NAV2: variants seen among roughly 807,000 people sequenced by gnomAD.
NAV2 encodes the protein neuron navigator 2.
NAV2 carries 54 observed loss-of-function variants against 223.2 expected under a neutral mutation model. The ratio of observed to expected loss-of-function variants is 0.24; its 90% CI spans 0.19 to 0.30. The LOEUF is 0.30. Among genes scored for constraint, NAV2 ranks in the 10% least tolerant of loss-of-function variants. NAV2 has a pLI of 1.00. For missense variants in NAV2, 2,806 were observed against 3,147.5 expected, an observed-to-expected ratio of 0.89 and a Z score of 2.60; for synonymous variants, 1,279 against 1,239.3, an observed-to-expected ratio of 1.03 and a Z score of -0.67.
At chr11:19,820,612 C>T (rs147250440) in intron 1 of NAV2, among the ~76,000 whole-genome samples, 341 of 152,312 alleles carry the variant, frequency 2.2e-3, no homozygotes, top group Non-Finnish European at 3.7e-3. Flanking sequence ...AGGTGGTAGC[C>T]GTGAGGCTGG....
At chr11:19,741,497 CTTT>C (rs71050682) in intron 1 of NAV2, among the ~76,000 whole-genome samples, 1 of 114,940 alleles carries the variant, frequency 8.7e-6, no homozygotes, top group Non-Finnish European at 1.7e-5. Context: ...TTCTTTCTTT[CTTT>C]TTTTTTTTTT....
rs950931558 is a variant in NAV2 at position 19,750,170 on chromosome 11, T to C, written c.267+36208T>C. On this transcript the variant is annotated intron_variant, in intron 1 of 37. Coordinates refer to ENST00000349880, the MANE Select transcript of NAV2 (RefSeq NM_145117.5). ...TTAGAGGACATTGATCATTTTCACC[T>C]TCATTTTCCATTTTTGCTTCTGGTA... is the stretch of plus-strand genomic sequence containing the variant. Among the ~76,000 whole-genome samples the C allele has an allele frequency of 2.4e-4, 37 of 152,228 alleles. 1 individual carries two copies. Among genetic ancestry groups the C allele is most frequent in the Admixed American group, 2.4e-3 (37 of 15,288 alleles).
At chr11:20,053,218 G>GAAAA (rs60421659) in intron 17 of NAV2, among the ~76,000 whole-genome samples, 14 of 40,954 alleles carry the variant, frequency 3.4e-4, no homozygotes, top group South Asian at 2.0e-3. Flanking sequence ...ACTACGTCTC[G>GAAAA]AAAAAAAAAA....
chr11:19,380,833 G>C (rs1056110355), intron 1 of NAV2, among the ~76,000 whole-genome samples: 1 of 152,182 alleles, frequency 6.6e-6, no homozygotes, highest in Non-Finnish European at 1.5e-5. Context: ...GTCCTGCTTT[G>C]CCTGGGATTT....
chr11:19,856,369 A>C lies in NAV2; in HGVS notation c.439-12556A>C, dbSNP rs578213102. Reference sequence around the variant, plus strand: ...AATTATTTTTAATTTCATAATTCCTAATTGGTTGGCATGTAGCTCTTTGCC... The same window carrying C: ...AATTATTTTTAATTTCATAATTCCTCATTGGTTGGCATGTAGCTCTTTGCC... On this transcript the variant is annotated intron_variant, in intron 3 of 37. Transcript: ENST00000349880. Among the ~76,000 whole-genome samples the C allele has an allele frequency of 2.0e-5, 3 of 152,252 alleles. No individual in the cohort carries two copies. In the East Asian group the frequency reaches 5.8e-4, roughly 29 times the overall value.
At chr11:19,609,379 C>T (rs2046569306) in intron 1 of NAV2, among the ~76,000 whole-genome samples, 1 of 151,834 alleles carries the variant, frequency 6.6e-6, no homozygotes, top group African/African-American at 2.4e-5. Flanking sequence ...AAAGAGAATA[C>T]AAAATATATC....
At chr11:19,571,925 A>G (rs10400215) in intron 1 of NAV2, among the ~76,000 whole-genome samples, 2,786 of 152,220 alleles carry the variant, frequency 0.018, 94 homozygotes, top group African/African-American at 0.062. Context: ...AGATGGGAGG[A>G]TGAAGAAGGA....
At position 19,832,514 on chromosome 11, in the gene NAV2, G is replaced by A. The variant is rs1232428815; in HGVS notation, c.298G>A (p.Ala100Thr). The part of the protein sequence containing the change: ...IYTDWANHYL[A>T]KSGHKRLIRD... Reference sequence around the variant, plus strand: ...CACAGACTGGGCCAATCATTACCTAGCCAAATCCGGCCACAAGCGTCTCAT... The same window carrying A: ...CACAGACTGGGCCAATCATTACCTAACCAAATCCGGCCACAAGCGTCTCAT... Residue 100 changes from alanine (A) to threonine (T), a missense_variant, in exon 2 of 38, where the codon GCC becomes ACC. By Grantham distance (58) the Ala-to-Thr change is moderately conservative. Transcript: ENST00000349880. The A allele has an allele frequency of 1.2e-6, 2 of 1,614,106 alleles. No homozygotes were observed. Among genetic ancestry groups the A allele is most frequent in the Admixed American group, 3.3e-5 (2 of 60,024 alleles).
chr11:19,856,070 AC>A (rs1450751698), intron 3 of NAV2, among the ~76,000 whole-genome samples: 1 of 152,230 alleles, frequency 6.6e-6, no homozygotes, highest in African/African-American at 2.4e-5. Context: ...TTTTTTACCT[AC>A]AAAAATGGCA....
At chr11:19,600,099 T>C (rs1446903108) in intron 1 of NAV2, among the ~76,000 whole-genome samples, 1 of 152,176 alleles carries the variant, frequency 6.6e-6, no homozygotes, top group Non-Finnish European at 1.5e-5. Flanking sequence ...GGTGGGTTAC[T>C]ATAATGGGCA....
At chr11:19,412,000 A>G (rs1850166053) in intron 1 of NAV2, among the ~76,000 whole-genome samples, 1 of 152,200 alleles carries the variant, frequency 6.6e-6, no homozygotes, top group African/African-American at 2.4e-5. Context: ...TTGGAAAGAA[A>G]ACCAGGGGTC....
intron 37 of NAV2, among the ~76,000 whole-genome samples, chr11:20,115,631 C>CAAAA (rs386373266): frequency 0.014 from 678 of 47,494 alleles, 47 homozygotes; most frequent in Middle Eastern, 0.062. Flanking sequence ...GACTCCGTCT[C>CAAAA]AAAAAAAAAA....
chr11:19,446,442 G>T (rs2133748705), intron 1 of NAV2, among the ~76,000 whole-genome samples: 1 of 152,236 alleles, frequency 6.6e-6, no homozygotes, highest in South Asian at 2.1e-4. Context: ...AGAGAACAAG[G>T]CCAGAGGTTG....
chr11:19,967,584 G>T (rs1215118757), intron 10 of NAV2, among the ~76,000 whole-genome samples: 1 of 152,094 alleles, frequency 6.6e-6, no homozygotes, highest in Non-Finnish European at 1.5e-5. Context: ...AGACACCAAG[G>T]TGACCATTAA....
At chr11:20,081,813 C>T (rs921725158) in intron 25 of NAV2, among the ~76,000 whole-genome samples, 7 of 152,094 alleles carry the variant, frequency 4.6e-5, no homozygotes, top group African/African-American at 1.4e-4. Context: ...GGAAAAAAGA[C>T]TTTAGAAAAA....
intron 1 of NAV2, among the ~76,000 whole-genome samples, chr11:19,742,365 A>T (rs142829415): frequency 2.3e-3 from 345 of 152,364 alleles, no homozygotes; most frequent in African/African-American, 8.1e-3. Context: ...ATTAAAGAAG[A>T]CAAGTGCAAG....
At chr11:19,355,677 A>G (rs2654009) in intron 1 of NAV2, among the ~76,000 whole-genome samples, 148,097 of 152,306 alleles carry the variant, frequency 0.97, 72,131 homozygotes, top group East Asian at 1. Context: ...CTGGATGGTG[A>G]CATAGTTTCC....
At position 20,093,111 on chromosome 11, in the gene NAV2, A is replaced by C; in HGVS notation, c.5828A>C (p.Asp1943Ala). The C allele has an allele frequency of 6.2e-7, 1 of 1,613,806 alleles. No homozygotes were observed. The highest frequency in any genetic ancestry group is 8.5e-7 in the Non-Finnish European group (1 of 1,179,892). The change falls in exon 29 of 38, where the codon GAT (aspartate) becomes GCT (alanine). Residue 1943 changes from aspartate to alanine, a missense_variant. Asp to Ala is a moderately radical substitution (Grantham distance 126). Around this residue, in one of 4 missense-constraint regions of NAV2, gnomAD observed 824 missense variants for 1,069.4 expected, o/e 0.77. Transcript: ENST00000349880. ...TESTSLDMLL[D>A]DTGECSARKE... ...TTTCCATTCGCAGACATGTTGCTGGATGACACTGGTGAATGCTCGGCTCGG... is the reference window on the plus strand; with the variant it reads ...TTTCCATTCGCAGACATGTTGCTGGCTGACACTGGTGAATGCTCGGCTCGG...
chr11:19,396,609 G>A (rs1462524646), intron 1 of NAV2, among the ~76,000 whole-genome samples: 2 of 152,156 alleles, frequency 1.3e-5, no homozygotes, highest in Non-Finnish European at 2.9e-5. Flanking sequence ...ACTGGGTGGG[G>A]AGGTCTCAAC....
Sources: gnomAD v4.1 joint callset for allele counts (sites outside exome capture counted in the v4.1 genomes callset) on GRCh38, gnomAD v4.1.1 for gene constraint, gnomAD v4.1.1 regional missense constraint, MANE v1.5 for transcripts, NCBI Gene and HGNC (gene_info 2026-07-23, HGNC 2026-07-21) for gene names.